CCSER1: variants seen among roughly 807,000 people sequenced by gnomAD.
CCSER1 encodes the protein serine-rich coiled-coil domain-containing protein 1.
A neutral mutation model predicts 82.0 loss-of-function variants in CCSER1; 41 were observed. The observed-to-expected ratio is 0.50, with a 90% CI of 0.39 to 0.65. The LOEUF (loss-of-function observed/expected upper bound fraction) is 0.65. Ranked by LOEUF, CCSER1 falls within the 30% of genes least tolerant of loss-of-function variation. The pLI, the probability that CCSER1 is intolerant of heterozygous loss-of-function variation, is 0.00. For synonymous variants in CCSER1, 414 were observed against 383.9 expected, an observed-to-expected ratio of 1.08 and a Z score of -0.92; for missense variants, 1,119 against 1,064.2, an observed-to-expected ratio of 1.05 and a Z score of -0.72.
At chr4:91,182,177 AG>A (rs1734097772) in intron 10 of CCSER1, among the ~76,000 whole-genome samples, 1 of 152,182 alleles carries the variant, frequency 6.6e-6, no homozygotes, top group Non-Finnish European at 1.5e-5. Context: ...CTGCAACCGA[AG>A]GGTCCTTGGG....
chr4:90,128,516 T>TGTGTGTGTGTGC (rs994567297), intron 1 of CCSER1, among the ~76,000 whole-genome samples: 7 of 128,500 alleles, frequency 5.4e-5, no homozygotes, highest in African/African-American at 1.6e-4. Flanking sequence ...TGTGTGTGTG[T>TGTGTGTGTGTGC]GCGCGCGCGC....
intron 4 of CCSER1, among the ~76,000 whole-genome samples, chr4:90,437,968 G>T (rs1759283848): frequency 6.6e-6 from 1 of 152,104 alleles, no homozygotes; most frequent in Non-Finnish European, 1.5e-5. Context: ...GGTTTAAAGT[G>T]CTGGGTTTAC....
At chr4:91,447,741 T>A (rs1755647866) in intron 10 of CCSER1, among the ~76,000 whole-genome samples, 1 of 152,118 alleles carries the variant, frequency 6.6e-6, no homozygotes, top group African/African-American at 2.4e-5. Flanking sequence ...TTAATTTTTT[T>A]GAAATTAAGA....
At position 90,504,951 on chromosome 4, in the gene CCSER1, T is replaced by A. The variant is rs188624281; in HGVS notation, c.1724+36597T>A. On this transcript the variant is annotated intron_variant, in intron 5 of 10. Coordinates refer to ENST00000509176, the MANE Select transcript of CCSER1 (RefSeq NM_001145065.2). ...GCACCAAATGCCAAAAACTGAAACA[T>A]CTTTGGGTTGCCAATAGTGAACCCC... Among the ~76,000 whole-genome samples, 18 of 152,196 alleles carry A rather than the reference T, an allele frequency of 1.2e-4. No homozygotes were observed. In the Middle Eastern group the frequency reaches 0.014, roughly 115 times the overall value.
At chr4:91,357,965 A>G (rs1048186845) in intron 10 of CCSER1, among the ~76,000 whole-genome samples, 18 of 143,974 alleles carry the variant, frequency 1.3e-4, no homozygotes, top group African/African-American at 4.6e-4. Context: ...TAAGGCCACA[A>G]GATTAGAAGT....
intron 5 of CCSER1, among the ~76,000 whole-genome samples, chr4:90,555,292 G>A (rs1332591676): frequency 1.3e-5 from 2 of 152,100 alleles, no homozygotes; most frequent in Admixed American, 6.6e-5. Context: ...AGAAAACCCA[G>A]TAGTAGAATA....
chr4:90,508,186 C>T lies in CCSER1; in HGVS notation c.1724+39832C>T, dbSNP rs370031854. On this transcript the variant is annotated intron_variant, in intron 5 of 10. Transcript: ENST00000509176. ...TTTGGAAAAATTGTACTGAAAATTG[C>T]CTCTCAGAAAAGCAGTTACGTTGGG... Among the ~76,000 whole-genome samples the T allele has an allele frequency of 1.5e-4, 23 of 151,934 alleles. No individual in the cohort carries two copies. The South Asian group carries it at 4.4e-3, about 29-fold the overall frequency.
chr4:90,298,166 T>A (rs2153472341), intron 1 of CCSER1, among the ~76,000 whole-genome samples: 1 of 152,232 alleles, frequency 6.6e-6, no homozygotes, highest in Admixed American at 6.5e-5. Flanking sequence ...TGCCACAATT[T>A]CAGCTCCTGT....
chr4:91,375,766 C>T (rs2149329864), intron 10 of CCSER1, among the ~76,000 whole-genome samples: 1 of 152,024 alleles, frequency 6.6e-6, no homozygotes, highest in African/African-American at 2.4e-5. Flanking sequence ...CAACAAATAA[C>T]AAATACAGTA....
intron 4 of CCSER1, among the ~76,000 whole-genome samples, chr4:90,430,189 A>G (rs550880638): frequency 2.9e-4 from 44 of 152,046 alleles, no homozygotes; most frequent in Middle Eastern, 3.4e-3. Flanking sequence ...TACTTATTTT[A>G]TCCAATAACT....
chr4:90,404,819 A>G (rs1210662548), intron 4 of CCSER1, among the ~76,000 whole-genome samples: 1 of 152,200 alleles, frequency 6.6e-6, no homozygotes, highest in African/African-American at 2.4e-5. Context: ...GGGGGAGAGT[A>G]CCACATCAAG....
rs199703368 is a variant in CCSER1, at chr4:90,369,206, AAAG to A, written c.1510-30821_1510-30819del. 4.2e-3 allele frequency among the ~76,000 whole-genome samples: 494 copies of A among 116,416 alleles called. 3 individuals carry two copies. Among genetic ancestry groups the A allele is most frequent in the Non-Finnish European group, 5.2e-3 (292 of 55,924 alleles). The allele number at this position is 116,416 out of a possible 152,430, so 76.4% of individuals were successfully genotyped here. ...GACAAAGATTAGGATGAGGAGGAAG[AAAG>A]AAGAAGAAAGAAAGGGGGAGGAAAA... is the stretch of plus-strand genomic sequence containing the variant. On this transcript the variant is annotated intron_variant, in intron 3 of 10. Coordinates refer to ENST00000509176, the MANE Select transcript of CCSER1 (RefSeq NM_001145065.2).
chr4:90,431,229 A>C (rs1758230607), intron 4 of CCSER1, among the ~76,000 whole-genome samples: 1 of 152,106 alleles, frequency 6.6e-6, no homozygotes, highest in Non-Finnish European at 1.5e-5. Context: ...ATCTCCTAAC[A>C]GCTCAGTATG....
At chr4:90,276,394 T>G (rs1727824042) in intron 1 of CCSER1, among the ~76,000 whole-genome samples, 1 of 148,932 alleles carries the variant, frequency 6.7e-6, no homozygotes, top group Admixed American at 6.7e-5. Flanking sequence ...TTGCCCAGGC[T>G]GGAGTGCAGT....
chr4:91,599,402 A>G lies in CCSER1; in HGVS notation c.*345A>G, dbSNP rs1237423270. 1 of 169,328 alleles carries G rather than the reference A, an allele frequency of 5.9e-6. No homozygotes were observed. Among genetic ancestry groups the G allele is most frequent in the Non-Finnish European group, 1.3e-5 (1 of 79,494 alleles). The allele number at this position is 169,328 out of a possible 1,614,324, so 10.5% of individuals were successfully genotyped here. A position where few individuals can be genotyped will look rare whatever the true frequency, so the allele number is the denominator to read the frequency against. ...ATTAAGGTTTCAGAAGATAATATCA[A>G]ATAGCAATCTGTTCACTGTTAATGG... On this transcript the variant is annotated 3_prime_UTR_variant, in exon 11 of 11. Transcript: ENST00000509176.
At chr4:90,979,022 C>A (rs1735863156) in intron 9 of CCSER1, among the ~76,000 whole-genome samples, 2 of 151,636 alleles carry the variant, frequency 1.3e-5, no homozygotes, top group East Asian at 2.0e-4. Flanking sequence ...AGGGAAAATG[C>A]AAACAACTAC....
At chr4:90,955,466 A>T (rs920963040) in intron 9 of CCSER1, among the ~76,000 whole-genome samples, 11 of 152,184 alleles carry the variant, frequency 7.2e-5, no homozygotes, top group South Asian at 2.1e-4. Flanking sequence ...AACTCCCAAT[A>T]GTAAACACTC....
chr4:90,193,875 CA>C (rs1736110794), intron 1 of CCSER1, among the ~76,000 whole-genome samples: 1 of 152,006 alleles, frequency 6.6e-6, no homozygotes. Flanking sequence ...TAAAAATATG[CA>C]CTAGAAATTT....
At chr4:90,816,465 GGGCA>G (rs1759028679) in intron 8 of CCSER1, among the ~76,000 whole-genome samples, 1 of 151,852 alleles carries the variant, frequency 6.6e-6, no homozygotes, top group Non-Finnish European at 1.5e-5. Flanking sequence ...ACAGAGCAGT[GGGCA>G]TTATTTTTTC....
Sources: allele counts gnomAD v4.1 joint callset (sites outside exome capture counted in the v4.1 genomes callset), GRCh38; gene constraint gnomAD v4.1.1; transcripts MANE v1.5; gene names NCBI Gene and HGNC (gene_info 2026-07-23, HGNC 2026-07-21).